The following CDH13 variants were observed in gnomAD, a reference collection of about 807,000 sequenced individuals.
CDH13 encodes cadherin 13.
In CDH13, 24 loss-of-function variants were observed where a neutral mutation model predicts 63.8. The ratio of observed to expected loss-of-function variants is 0.38; its 90% CI spans 0.27 to 0.53. CDH13 has a LOEUF of 0.53. Among genes scored for constraint, CDH13 ranks in the 20% least tolerant of loss-of-function variants. The pLI is 0.85. For synonymous variants in CDH13, 503 were observed against 355.3 expected (o/e 1.42, Z -4.67); for missense variants, 1,049 against 903.1 (o/e 1.16, Z -2.07).
At chr16:83,133,129 G>T (rs930465733) in intron 4 of CDH13, among the ~76,000 whole-genome samples, 2 of 152,182 alleles carry the variant, frequency 1.3e-5, no homozygotes, top group Admixed American at 6.5e-5. Flanking sequence ...TTTAATTGGG[G>T]CTCAAAAAGT....
At chr16:83,286,954 T>G (rs1224222593) in intron 5 of CDH13, among the ~76,000 whole-genome samples, 1 of 152,068 alleles carries the variant, frequency 6.6e-6, no homozygotes, top group Non-Finnish European at 1.5e-5. Flanking sequence ...CGTGCTCCTA[T>G]GTGTATTATA....
intron 8 of CDH13, among the ~76,000 whole-genome samples, chr16:83,625,151 ACT>A (rs1910171400): frequency 7.4e-6 from 1 of 134,940 alleles, no homozygotes; most frequent in Non-Finnish European, 1.7e-5. Flanking sequence ...ACCTAAAGAA[ACT>A]CTGTGTGTGT....
intron 8 of CDH13, among the ~76,000 whole-genome samples, chr16:83,623,011 C>T (rs538767712): frequency 6.6e-6 from 1 of 152,170 alleles, no homozygotes; most frequent in Admixed American, 6.5e-5. Flanking sequence ...GGAACATGAC[C>T]TAAGGGAAAT....
At chr16:82,942,014 T>C (rs1363779794) in intron 2 of CDH13, among the ~76,000 whole-genome samples, 1 of 152,210 alleles carries the variant, frequency 6.6e-6, no homozygotes, top group Non-Finnish European at 1.5e-5. Context: ...TTCTTAATGG[T>C]GTCGTTTGAT....
chr16:83,154,871 A>G (rs2037141531), intron 4 of CDH13, among the ~76,000 whole-genome samples: 1 of 152,202 alleles, frequency 6.6e-6, no homozygotes, highest in Non-Finnish European at 1.5e-5. Flanking sequence ...CTGTAGCAAA[A>G]ATCTTTAAAA....
At chr16:83,436,896 T>G (rs1156730031) in intron 6 of CDH13, among the ~76,000 whole-genome samples, 2 of 152,196 alleles carry the variant, frequency 1.3e-5, no homozygotes, top group Non-Finnish European at 2.9e-5. Flanking sequence ...AGGCCTAAAA[T>G]AGTTACCTGT....
chr16:83,041,978 G>T (rs1380178788), intron 3 of CDH13, among the ~76,000 whole-genome samples: 1 of 152,048 alleles, frequency 6.6e-6, no homozygotes, highest in Non-Finnish European at 1.5e-5. Context: ...CCTCTTTCCT[G>T]ATCTCACACG....
At chr16:83,319,761 A>G (rs899020486) in intron 5 of CDH13, among the ~76,000 whole-genome samples, 1 of 152,210 alleles carries the variant, frequency 6.6e-6, no homozygotes, top group Non-Finnish European at 1.5e-5. Flanking sequence ...GGAGTTGTGA[A>G]TGGCATGAAG....
chr16:82,706,476 G>A (rs1393261385), intron 1 of CDH13, among the ~76,000 whole-genome samples: 2 of 152,038 alleles, frequency 1.3e-5, no homozygotes, highest in Non-Finnish European at 2.9e-5. Context: ...TGGTTGGCCT[G>A]GAGAAAAAAC....
At chr16:83,644,666 A>C (rs527634324) in intron 8 of CDH13, among the ~76,000 whole-genome samples, 1 of 152,334 alleles carries the variant, frequency 6.6e-6, no homozygotes, top group East Asian at 1.9e-4. Flanking sequence ...ACAGAGGATG[A>C]GGTTCATGGT....
intron 6 of CDH13, among the ~76,000 whole-genome samples, chr16:83,405,798 C>T (rs1206783964): frequency 1.3e-5 from 2 of 152,220 alleles, no homozygotes; most frequent in South Asian, 2.1e-4. Flanking sequence ...GGTTTACAAG[C>T]ACCTTGGAGG....
At chr16:83,141,342 G>T (rs1450033216) in intron 4 of CDH13, among the ~76,000 whole-genome samples, 1 of 152,192 alleles carries the variant, frequency 6.6e-6, no homozygotes, top group Non-Finnish European at 1.5e-5. Flanking sequence ...TGGCTGCCCT[G>T]AGCCTGGGGA....
intron 3 of CDH13, among the ~76,000 whole-genome samples, chr16:83,092,639 G>C (rs1363033709): frequency 6.6e-6 from 1 of 152,034 alleles, no homozygotes; most frequent in Admixed American, 6.5e-5. Flanking sequence ...GCTTTAAAGG[G>C]AAAACTGCTA....
chr16:83,685,648 A>G (rs1213509946), intron 10 of CDH13, among the ~76,000 whole-genome samples: 2 of 152,192 alleles, frequency 1.3e-5, no homozygotes, highest in Non-Finnish European at 2.9e-5. Flanking sequence ...TAAAGGAAGA[A>G]AGAAAGGGAG....
chr16:83,119,889 C>G (rs1350454052), intron 3 of CDH13, among the ~76,000 whole-genome samples: 1 of 152,172 alleles, frequency 6.6e-6, no homozygotes, highest in African/African-American at 2.4e-5. Flanking sequence ...GCCACAAACA[C>G]ATACTTATAG....
rs537128164 is a variant in CDH13 at position 82,907,509 on chromosome 16, G to T, written c.157+49036G>T. The stretch of plus-strand genomic sequence containing the variant: ...CCAAACTGTCGGTCCATTCATTTCT[G>T]CATTACCAACAATGGTCAGTTATAT... On this transcript the variant is annotated intron_variant, in intron 2 of 13. Coordinates refer to ENST00000567109, the MANE Select transcript of CDH13 (RefSeq NM_001257.5). Among the ~76,000 whole-genome samples the T allele has an allele frequency of 4.6e-5, 7 of 152,292 alleles. No homozygotes were observed. In the South Asian group the frequency reaches 6.2e-4, roughly 14 times the overall value.
chr16:83,509,403 G>A (rs562568818), intron 7 of CDH13, among the ~76,000 whole-genome samples: 1 of 152,326 alleles, frequency 6.6e-6, no homozygotes, highest in African/African-American at 2.4e-5. Flanking sequence ...AGTATTTTAG[G>A]CTTTGTGGGC....
intron 4 of CDH13, among the ~76,000 whole-genome samples, chr16:83,216,408 A>ATT (rs66685513): frequency 2.6e-5 from 2 of 76,016 alleles, no homozygotes; most frequent in African/African-American, 4.8e-5. Context: ...ATATATATAT[A>ATT]TATATATATA....
rs116629517 is a variant in CDH13, at chr16:83,096,067, T to C, written c.367-29318T>C. ...GCAGTGGGGAAGCATGCAGTCACCT[T>C]GTGCCGAACTTAACAGGTCAAGAAC... On this transcript the variant is annotated intron_variant, in intron 3 of 13. Coordinates refer to ENST00000567109, the MANE Select transcript of CDH13 (RefSeq NM_001257.5). Among the ~76,000 whole-genome samples the C allele has an allele frequency of 5.2e-3, 797 of 152,284 alleles. 4 individuals carry two copies. The highest frequency in any genetic ancestry group is 0.019 in the African/African-American group (771 of 41,556).
Sources: allele counts gnomAD v4.1 joint callset (sites outside exome capture counted in the v4.1 genomes callset), GRCh38; gene constraint gnomAD v4.1.1; transcripts MANE v1.5; gene names NCBI Gene and HGNC (gene_info 2026-07-23, HGNC 2026-07-21).